CEP112: variants seen among roughly 807,000 people sequenced by gnomAD.
CEP112 encodes centrosomal protein 112.
CEP112 carries 127 observed loss-of-function variants against 153.0 expected under a neutral mutation model. The ratio of observed to expected loss-of-function variants is 0.83; its 90% CI spans 0.72 to 0.96. The LOEUF (loss-of-function observed/expected upper bound fraction) is 0.96, where lower values mean the gene tolerates loss of function less well. Ranked by LOEUF, CEP112 falls within the 40% of genes least tolerant of loss-of-function variation. The probability of loss-of-function intolerance (pLI) is 0.00; values close to 1 mark genes in which losing one functional copy is unlikely to be tolerated. For missense variants in CEP112, 1,089 were observed against 1,101.2 expected (o/e 0.99, Z 0.16); for synonymous variants, 358 against 374.4 (o/e 0.96, Z 0.51).
At chr17:65,637,278 G>T in intron 25 of CEP112, 90 bp from the exon 26 acceptor site, 1 of 879,630 alleles carries the variant, frequency 1.1e-6, no homozygotes, top group South Asian at 1.4e-5. Flanking sequence ...TTTAAATTCA[G>T]ACAATTCCCT....
At chr17:66,156,353 T>C (rs1400579362) in intron 4 of CEP112, among the ~76,000 whole-genome samples, 1 of 151,906 alleles carries the variant, frequency 6.6e-6, no homozygotes, top group Non-Finnish European at 1.5e-5. Context: ...AAAAAGGGTG[T>C]CCACACAGAA....
At chr17:66,118,528 G>T (rs1457999958) in intron 6 of CEP112, among the ~76,000 whole-genome samples, 1 of 152,084 alleles carries the variant, frequency 6.6e-6, no homozygotes, top group Admixed American at 6.6e-5. Context: ...ACTCATGGAG[G>T]TATAAAATAG....
At chr17:65,738,512 G>A (rs903428044) in intron 23 of CEP112, among the ~76,000 whole-genome samples, 3 of 151,892 alleles carry the variant, frequency 2.0e-5, no homozygotes, top group South Asian at 2.1e-4. Context: ...AAGCCTACTC[G>A]GCTTTCTGTT....
intron 21 of CEP112, among the ~76,000 whole-genome samples, chr17:65,801,781 A>T (rs2145828269): frequency 6.6e-6 from 1 of 152,342 alleles, no homozygotes; most frequent in Non-Finnish European, 1.5e-5. Flanking sequence ...TTCTTTGAAC[A>T]TATTTCAAGT....
chr17:65,833,433 T>C (rs1295775299), intron 21 of CEP112, among the ~76,000 whole-genome samples: 1 of 152,130 alleles, frequency 6.6e-6, no homozygotes, highest in Non-Finnish European at 1.5e-5. Flanking sequence ...TTTGCAGACA[T>C]GATTCTATAT....
At chr17:65,754,783 A>T (rs2052135149) in intron 21 of CEP112, among the ~76,000 whole-genome samples, 1 of 152,136 alleles carries the variant, frequency 6.6e-6, no homozygotes, top group South Asian at 2.1e-4. Flanking sequence ...GGCTTTTAAG[A>T]TCACTGAAAC....
intron 17 of CEP112, among the ~76,000 whole-genome samples, chr17:65,967,247 G>C (rs1025040079): frequency 1.3e-5 from 2 of 152,272 alleles, no homozygotes; most frequent in African/African-American, 4.8e-5. Flanking sequence ...AAATAGGAAT[G>C]AAGAATCTTC....
chr17:66,178,468 G>C (rs561661400), intron 2 of CEP112, among the ~76,000 whole-genome samples: 1 of 152,136 alleles, frequency 6.6e-6, no homozygotes, highest in Admixed American at 6.5e-5. Context: ...TTATTCCCTT[G>C]TCAGATGAAT....
At chr17:65,682,054 T>C (rs1414086040) in intron 24 of CEP112, among the ~76,000 whole-genome samples, 2 of 152,062 alleles carry the variant, frequency 1.3e-5, no homozygotes, top group South Asian at 2.1e-4. Flanking sequence ...AGTGCAGTGG[T>C]GTGATCTCAG....
At chr17:66,155,997 G>C (rs1179443101) in intron 4 of CEP112, among the ~76,000 whole-genome samples, 1 of 152,216 alleles carries the variant, frequency 6.6e-6, no homozygotes, top group African/African-American at 2.4e-5. Context: ...GCTCTGAAGA[G>C]AGCAGTGGAT....
chr17:66,048,766 A>C, intron 12 of CEP112, among the ~76,000 whole-genome samples: 1 of 152,020 alleles, frequency 6.6e-6, no homozygotes, highest in Non-Finnish European at 1.5e-5. Context: ...CGCATCACCA[A>C]GCCCAGCTAA....
Position 65,635,863 on chromosome 17 carries a change from TAA to T in CEP112, c.*106_*107del. 1 of 1,186,658 alleles carries T rather than the reference TAA, an allele frequency of 8.4e-7. No homozygotes were observed. The highest frequency in any genetic ancestry group is 1.2e-6 in the Non-Finnish European group (1 of 825,732). 73.5% of individuals were successfully genotyped at this position (1,186,658 alleles called of 1,614,324 possible). On this transcript the variant is annotated 3_prime_UTR_variant, in exon 27 of 27. Transcript: ENST00000535342. Reference sequence around the variant, plus strand: ...ATGATCTTAATTACATTTAAGGATTTAAAAAATGCCACTGATCTCACAGTTTA... The same window carrying T: ...ATGATCTTAATTACATTTAAGGATTTAAAATGCCACTGATCTCACAGTTTA...
chr17:66,034,177 T>C lies in CEP112; in HGVS notation c.1219-4154A>G, dbSNP rs572996024. On this transcript the variant is annotated intron_variant, in intron 12 of 26. Transcript: ENST00000535342. ...AACTGCTAAAATGTCAAAATGTCCC[T>C]TCCATATTCAAAACTGGAGTGATTT... 1.3e-3 allele frequency among the ~76,000 whole-genome samples: 195 copies of C among 152,326 alleles called. 2 individuals carry two copies. The highest frequency in any genetic ancestry group is 4.4e-3 in the African/African-American group (185 of 41,578).
intron 24 of CEP112, among the ~76,000 whole-genome samples, chr17:65,660,972 A>C (rs2143837392): frequency 6.6e-6 from 1 of 151,864 alleles, no homozygotes; most frequent in East Asian, 1.9e-4. Context: ...CCCCAACCCC[A>C]CTCCCATATA....
intron 24 of CEP112, among the ~76,000 whole-genome samples, chr17:65,653,902 T>C (rs975281420): frequency 3.3e-5 from 5 of 149,794 alleles, no homozygotes; most frequent in Admixed American, 1.3e-4. Flanking sequence ...CTACGAAAAA[T>C]ACAAAAATTA....
At chr17:65,699,489 T>C (rs775812466) in intron 23 of CEP112, among the ~76,000 whole-genome samples, 2 of 152,154 alleles carry the variant, frequency 1.3e-5, no homozygotes, top group African/African-American at 2.4e-5. Context: ...CATCTATCAG[T>C]GCCCTTTTTT....
intron 8 of CEP112, among the ~76,000 whole-genome samples, chr17:66,080,853 T>G (rs927855561): frequency 2.0e-5 from 3 of 152,212 alleles, no homozygotes; most frequent in Non-Finnish European, 4.4e-5. Context: ...TAAGTTCGTG[T>G]CCTTTGCAGG....
chr17:65,911,191 C>G (rs1332044414), intron 19 of CEP112, among the ~76,000 whole-genome samples: 1 of 152,142 alleles, frequency 6.6e-6, no homozygotes, highest in Non-Finnish European at 1.5e-5. Flanking sequence ...AAAATAAGAA[C>G]TCAGGTATGA....
At chr17:66,071,117 A>C (rs1024514355) in intron 8 of CEP112, among the ~76,000 whole-genome samples, 3 of 152,156 alleles carry the variant, frequency 2.0e-5, no homozygotes, top group African/African-American at 7.2e-5. Context: ...TTATATTTTC[A>C]ATTACTTTTT....
Sources: allele counts gnomAD v4.1 joint callset (sites outside exome capture counted in the v4.1 genomes callset), GRCh38; gene constraint gnomAD v4.1.1; transcripts MANE v1.5; gene names NCBI Gene and HGNC (gene_info 2026-07-23, HGNC 2026-07-21).